Variants in BCOR observed in about 807,000 individuals in gnomAD.
BCOR encodes BCL6 corepressor.
A neutral mutation model predicts 86.7 loss-of-function variants in BCOR; 10 were observed. That is an observed-to-expected ratio of 0.12 (90% CI 0.07 to 0.20). The LOEUF (loss-of-function observed/expected upper bound fraction) is 0.20, where lower values mean the gene tolerates loss of function less well. Among genes scored for constraint, BCOR ranks in the 10% least tolerant of loss-of-function variants. BCOR has a pLI of 1.00. For missense variants in BCOR, 1,259 were observed against 1,452.1 expected (o/e 0.87, Z 2.16); for synonymous variants, 611 against 609.0 (o/e 1.00, Z -0.05).
Position 40,064,446 on chromosome X carries a change from C to A in BCOR, c.3392G>T (p.Arg1131Leu), listed in dbSNP as rs758883383. ...ASDMPHSPTL[R>L]VDRKRKVSGD... ...TGAGACTTTGCGTTTCCTGTCCACC[C>A]GGAGGGTGGGGCTGTGAGGCATGTC... Residue 1131 changes from arginine to leucine, a missense_variant, in exon 7 of 15, where the codon CGG becomes CTG. Physicochemically the swap from Arg to Leu is moderately radical, Grantham distance 102. This residue lies in a region of BCOR where 305 missense variants were observed against 286.1 expected (regional missense o/e 1.07). Transcript: ENST00000378444. 76 of 1,211,163 alleles carry A rather than the reference C, an allele frequency of 6.3e-5. No individual in the cohort carries two copies. In the Admixed American group the frequency reaches 8.3e-4, roughly 13 times the overall value.
intron 1 of BCOR, chrX:40,176,959 C>T (rs770164382): frequency 1.8e-5 from 2 of 110,342 alleles, no homozygotes; most frequent in East Asian, 2.9e-4. Flanking sequence ...CCCCACCCCA[C>T]CCCACCCCCT....
rs1936634575 is a variant in BCOR, at chrX:40,091,914, G to A, written c.-41+5301C>T. ...TTTGGGCGAGGCCCCCACCGGGCCC[G>A]ATCCAGAAGATGGGCTGGGGCACCG... On this transcript the variant is annotated intron_variant, in intron 1 of 14. Transcript: ENST00000378444. Among the ~76,000 whole-genome samples the A allele has an allele frequency of 3.5e-5, 4 of 113,172 alleles. No individual in the cohort carries two copies. In the Admixed American group the frequency reaches 3.7e-4, roughly 10 times the overall value.
chrX:40,110,591 G>A (rs1937283058), intron 1 of BCOR, among the ~76,000 whole-genome samples: 1 of 100,613 alleles, frequency 9.9e-6, no homozygotes. Context: ...GACCACAGTG[G>A]GAAGTTTGTA....
chrX:40,105,097 C>T (rs971271954), intron 1 of BCOR, among the ~76,000 whole-genome samples: 2 of 111,329 alleles, frequency 1.8e-5, no homozygotes, highest in Non-Finnish European at 3.8e-5. Context: ...CCCGCCATAT[C>T]AGCAGCAGCG....
intron 1 of BCOR, among the ~76,000 whole-genome samples, chrX:40,156,531 C>A (rs1186931620): frequency 8.8e-6 from 1 of 113,107 alleles, no homozygotes; most frequent in African/African-American, 3.2e-5. Flanking sequence ...CTTGCTTGTA[C>A]AGCACAGAAG....
At chrX:40,108,258 G>C (rs1937231842) in intron 1 of BCOR, among the ~76,000 whole-genome samples, 1 of 112,784 alleles carries the variant, frequency 8.9e-6, no homozygotes, top group African/African-American at 3.2e-5. Flanking sequence ...GAGCCGCCAA[G>C]TGGGAGCTAA....
chrX:40,133,495 T>A (rs1318238698), intron 1 of BCOR, among the ~76,000 whole-genome samples: 1 of 106,861 alleles, frequency 9.4e-6, no homozygotes, highest in African/African-American at 3.4e-5. Flanking sequence ...AGTCTCGCTC[T>A]GTCGCCCAGG....
chrX:40,115,338 C>A (rs1226723238), intron 1 of BCOR, among the ~76,000 whole-genome samples: 1 of 112,235 alleles, frequency 8.9e-6, no homozygotes, highest in Admixed American at 9.5e-5. Flanking sequence ...CCTGGCAACT[C>A]GCCAACTGCA....
chrX:40,094,290 T>TCTAGA lies in BCOR; in HGVS notation c.-41+2920_-41+2924dup, dbSNP rs1476116704. ...AGCCGGGAGGGAGCCTGCATGCCTG[T>TCTAGA]CTAGACCGATCTATCACCGGCACAC... On this transcript the variant is annotated intron_variant, in intron 1 of 14. Coordinates refer to ENST00000378444, the MANE Select transcript of BCOR (RefSeq NM_001123385.2). 1.7e-4 allele frequency among the ~76,000 whole-genome samples: 19 copies of TCTAGA among 112,096 alleles called. No individual in the cohort carries two copies. The East Asian group carries it at 4.2e-3, about 25-fold the overall frequency.
chrX:40,077,432 A>G (rs753444992), intron 2 of BCOR: 20 of 176,646 alleles, frequency 1.1e-4, no homozygotes, highest in Non-Finnish European at 1.8e-4. Flanking sequence ...GCAGAGGACA[A>G]TGAGAGATCC....
At chrX:40,103,749 A>AT (rs1416879220) in intron 1 of BCOR, among the ~76,000 whole-genome samples, 1 of 110,765 alleles carries the variant, frequency 9.0e-6, no homozygotes, top group East Asian at 2.8e-4. Context: ...TTTTTTAGCA[A>AT]TTAAGGCGAG....
rs191992104 is a variant in BCOR, at chrX:40,145,703, G to A, written c.-41+31304C>T. On this transcript the variant is annotated intron_variant, in intron 1 of 14. Transcript: ENST00000342274. Reference sequence around the variant, plus strand: ...AAGAGCGGCTGGGGAGGGTAGCAAAGGCACAAACAGGGTCCAGGCCCCCTC... The same window carrying A: ...AAGAGCGGCTGGGGAGGGTAGCAAAAGCACAAACAGGGTCCAGGCCCCCTC... Among the ~76,000 whole-genome samples the A allele has an allele frequency of 4.9e-4, 55 of 111,743 alleles. 1 individual carries two copies. In the East Asian group the frequency reaches 0.015, roughly 31 times the overall value.
At chrX:40,109,471 C>T (rs1937259553) in intron 1 of BCOR, among the ~76,000 whole-genome samples, 1 of 112,480 alleles carries the variant, frequency 8.9e-6, no homozygotes, top group Non-Finnish European at 1.9e-5. Flanking sequence ...CGGCCAGGTA[C>T]CCAGCCTCGC....
chrX:40,174,836 A>G (rs1938707562), intron 1 of BCOR, among the ~76,000 whole-genome samples: 1 of 112,940 alleles, frequency 8.9e-6, no homozygotes, highest in African/African-American at 3.2e-5. Flanking sequence ...CCGTTTGACC[A>G]CAGTTTCTCA....
chrX:40,071,905 C>CT (rs1205353057), intron 4 of BCOR: 1,950 of 350,730 alleles, frequency 5.6e-3, no homozygotes, highest in African/African-American at 6.0e-3. Flanking sequence ...AACCTTTTTT[C>CT]TTTTTTTTTT....
chrX:40,133,909 G>T (rs1460077292), intron 1 of BCOR, among the ~76,000 whole-genome samples: 1 of 111,142 alleles, frequency 9.0e-6, no homozygotes, highest in African/African-American at 3.3e-5. Flanking sequence ...TGTGCTCTAA[G>T]AACTTACAAC....
At position 40,074,720 on chromosome X, in the gene BCOR, G is replaced by A. The variant is rs143697110; in HGVS notation, c.626C>T (p.Ser209Leu). The A allele has an allele frequency of 9.6e-4, 1,165 of 1,209,771 alleles. 2 individuals are homozygous for A. Among genetic ancestry groups the A allele is most frequent in the Non-Finnish European group, 1.1e-3 (978 of 895,102 alleles). Residue 209 changes from serine (S) to leucine (L), a missense_variant, in exon 4 of 15, where the codon TCG becomes TTG. Physicochemically the swap from Ser to Leu is moderately radical, Grantham distance 145 (BLOSUM62 -2). Coordinates refer to ENST00000378444, the MANE Select transcript of BCOR (RefSeq NM_001123385.2). ...CATGTTCAGTGAATACTTATTTGGC[G>A]AGTCGAGGAAAGGGTAGATGGCTGG... ...ATPAIYPFLD[S>L]PNKYSLNMYK...
Position 40,063,603 on chromosome X carries a change from C to T in BCOR, c.3847+5G>A, listed in dbSNP as rs1935019244. 9 of 1,205,481 alleles carry T rather than the reference C, an allele frequency of 7.5e-6. No homozygotes were observed. The East Asian group carries it at 2.7e-4, about 36-fold the overall frequency. On this transcript the variant is annotated splice_donor_5th_base_variant and intron_variant, in intron 8 of 14. Coordinates refer to ENST00000378444, the MANE Select transcript of BCOR (RefSeq NM_001123385.2). Reference sequence around the variant, plus strand: ...GTGAACACTCAAGGGGTGGCCCCCGCATACCTTGTTCATTGTCACTGGGTT... The same window carrying T: ...GTGAACACTCAAGGGGTGGCCCCCGTATACCTTGTTCATTGTCACTGGGTT...
intron 1 of BCOR, among the ~76,000 whole-genome samples, chrX:40,150,240 C>T (rs1440632091): frequency 2.7e-5 from 3 of 112,075 alleles, no homozygotes; most frequent in African/African-American, 9.7e-5. Context: ...CAGTTTTTTT[C>T]CACTACGGAA....
Sources: allele counts gnomAD v4.1 joint callset (sites outside exome capture counted in the v4.1 genomes callset), GRCh38; gene constraint gnomAD v4.1.1; regional missense constraint gnomAD v4.1.1; transcripts MANE v1.5; gene names NCBI Gene and HGNC (gene_info 2026-07-23, HGNC 2026-07-21).